PHACTR1: variants seen among roughly 807,000 people sequenced by gnomAD.
The protein encoded by PHACTR1 is RPEL repeat containing 1.
In PHACTR1, 16 loss-of-function variants were observed where a neutral mutation model predicts 69.2. The ratio of observed to expected loss-of-function variants is 0.23; its 90% CI spans 0.16 to 0.35. PHACTR1 has a LOEUF of 0.35. Among genes scored for constraint, PHACTR1 ranks in the 10% least tolerant of loss-of-function variants. The pLI is 1.00. For missense variants in PHACTR1, 510 were observed against 734.7 expected (o/e 0.69, Z 3.54); for synonymous variants, 312 against 284.5 (o/e 1.10, Z -0.97).
rs144474766 is a variant in PHACTR1 at position 12,919,963 on chromosome 6, A to G, written c.251-133402A>G. On this transcript the variant is annotated intron_variant, in intron 4 of 14. Transcript: ENST00000332995. ...CTGCTTGTGTAACATTGACAAAATC[A>G]CTTTTTGACCTCAGTCTATATTAGT... 3.3e-3 allele frequency among the ~76,000 whole-genome samples: 498 copies of G among 152,280 alleles called. 1 individual carries two copies. The highest frequency in any genetic ancestry group is 0.011 in the African/African-American group (466 of 41,552).
At chr6:12,915,513 AAAAAAAAG>A (rs931488443) in intron 4 of PHACTR1, among the ~76,000 whole-genome samples, 2 of 148,218 alleles carry the variant, frequency 1.3e-5, no homozygotes, top group African/African-American at 2.6e-5. Flanking sequence ...TCTCAAAAAA[AAAAAAAAG>A]AAAAAAAAAA....
At chr6:12,977,917 G>C (rs1430375972) in intron 4 of PHACTR1, among the ~76,000 whole-genome samples, 1 of 151,770 alleles carries the variant, frequency 6.6e-6, no homozygotes, top group East Asian at 1.9e-4. Flanking sequence ...TTTTGGAGGA[G>C]GTCTTCCTAA....
At chr6:12,931,098 C>A (rs2127528321) in intron 4 of PHACTR1, among the ~76,000 whole-genome samples, 1 of 149,372 alleles carries the variant, frequency 6.7e-6, no homozygotes, top group Admixed American at 6.7e-5. Context: ...GCGTCTATAA[C>A]AAAGAGGCTT....
At position 13,053,435 on chromosome 6, in the gene PHACTR1, C is replaced by T. The variant is rs1432585441; in HGVS notation, c.321C>T (p.Ile107=). 7.4e-6 allele frequency: 12 copies of T among 1,613,808 alleles called. No individual in the cohort carries two copies. Among genetic ancestry groups the T allele is most frequent in the Non-Finnish European group, 1.0e-5 (12 of 1,179,816 alleles). The change falls in exon 5 of 15, where the codon ATC becomes ATT. Residue 107 remains isoleucine, a synonymous_variant. Transcript: ENST00000332995. Reference sequence around the variant, plus strand: ...TCCCAGGCACCCACACCCCACCCATCCGCAGGAGAAGTAAGTTTGCCAACC... The same window carrying T: ...TCCCAGGCACCCACACCCCACCCATTCGCAGGAGAAGTAAGTTTGCCAACC... ...SLVPGTHTPP[I]RRRSKFANLG...
At chr6:12,959,223 A>G (rs1459464429) in intron 4 of PHACTR1, among the ~76,000 whole-genome samples, 1 of 151,502 alleles carries the variant, frequency 6.6e-6, no homozygotes, top group Non-Finnish European at 1.5e-5. Context: ...AAAAGAAAAC[A>G]GAAACAACTC....
At chr6:12,797,640 C>G (rs184123841) in intron 4 of PHACTR1, among the ~76,000 whole-genome samples, 1 of 152,124 alleles carries the variant, frequency 6.6e-6, no homozygotes, top group African/African-American at 2.4e-5. Context: ...CTCCCATGGC[C>G]GGTGGAGACT....
At position 13,232,313 on chromosome 6, in the gene PHACTR1, T is replaced by G. The variant is rs114540560; in HGVS notation, c.1391+2120T>G. On this transcript the variant is annotated intron_variant, in intron 10 of 14. Coordinates refer to ENST00000332995, the MANE Select transcript of PHACTR1 (RefSeq NM_030948.6). ...ATTTATTTTGCTACCTAAGAGCAGCTTCTTTTTCAAAATTAACTTGGTTTC... is the reference window on the plus strand; with the variant it reads ...ATTTATTTTGCTACCTAAGAGCAGCGTCTTTTTCAAAATTAACTTGGTTTC... Among the ~76,000 whole-genome samples the G allele has an allele frequency of 9.0e-3, 1,371 of 152,348 alleles. 23 individuals carry two copies. Among genetic ancestry groups the G allele is most frequent in the African/African-American group, 0.03 (1,233 of 41,578 alleles).
chr6:12,863,002 A>C (rs966394204), intron 4 of PHACTR1, among the ~76,000 whole-genome samples: 1 of 152,236 alleles, frequency 6.6e-6, no homozygotes, highest in African/African-American at 2.4e-5. Context: ...TGAAACTCTC[A>C]GAACCATAGC....
intron 8 of PHACTR1, among the ~76,000 whole-genome samples, chr6:13,212,479 C>T (rs1325809568): frequency 6.8e-6 from 1 of 147,542 alleles, no homozygotes; most frequent in African/African-American, 2.4e-5. Context: ...CTCCTGCACA[C>T]ACCCCTTTTG....
chr6:12,735,521 CA>C (rs1184399644), intron 3 of PHACTR1, among the ~76,000 whole-genome samples: 1 of 152,196 alleles, frequency 6.6e-6, no homozygotes, highest in Non-Finnish European at 1.5e-5. Context: ...TACACCTAAA[CA>C]GTTTTTGTTA....
At chr6:12,899,891 G>A (rs761905883) in intron 4 of PHACTR1, among the ~76,000 whole-genome samples, 1 of 152,182 alleles carries the variant, frequency 6.6e-6, no homozygotes, top group Non-Finnish European at 1.5e-5. Flanking sequence ...ATCCCACTGA[G>A]AGGGATGGGC....
At chr6:13,037,813 A>G (rs1803538281) in intron 4 of PHACTR1, among the ~76,000 whole-genome samples, 1 of 152,208 alleles carries the variant, frequency 6.6e-6, no homozygotes, top group Admixed American at 6.5e-5. Context: ...ACAGAAACTG[A>G]TGATATGGAT....
intron 5 of PHACTR1, among the ~76,000 whole-genome samples, chr6:13,089,934 T>C (rs1331520757): frequency 6.6e-6 from 1 of 152,144 alleles, no homozygotes; most frequent in Non-Finnish European, 1.5e-5. Context: ...CTGAAATGAA[T>C]AGGGAATGTC....
At chr6:13,190,196 G>GTCTTTTTTTTTT (rs1220683843) in intron 7 of PHACTR1, among the ~76,000 whole-genome samples, 1 of 31,850 alleles carries the variant, frequency 3.1e-5, no homozygotes, top group Non-Finnish European at 7.7e-5. Flanking sequence ...GCTAATTTTT[G>GTCTTTTTTTTTT]TATTTTTTTT....
chr6:12,720,232 A>T (rs1189574859), intron 3 of PHACTR1, among the ~76,000 whole-genome samples: 1 of 152,200 alleles, frequency 6.6e-6, no homozygotes, highest in Non-Finnish European at 1.5e-5. Context: ...ACACATTGCT[A>T]TGTGATTGGT....
chr6:12,895,310 T>C (rs770837269), intron 4 of PHACTR1, among the ~76,000 whole-genome samples: 14 of 151,732 alleles, frequency 9.2e-5, no homozygotes, highest in Non-Finnish European at 1.6e-4. Flanking sequence ...GCTTCCCAAG[T>C]AGCTGGGATT....
intron 4 of PHACTR1, among the ~76,000 whole-genome samples, chr6:12,780,844 T>C (rs1770726201): frequency 6.6e-6 from 1 of 152,210 alleles, no homozygotes; most frequent in African/African-American, 2.4e-5. Flanking sequence ...TCACTCATGC[T>C]TCATCTTTGT....
chr6:12,925,456 T>TC (rs1296921164), intron 4 of PHACTR1, among the ~76,000 whole-genome samples: 4 of 152,244 alleles, frequency 2.6e-5, no homozygotes, highest in Admixed American at 1.3e-4. Flanking sequence ...TTAATGTCTT[T>TC]CTAAGGTACG....
intron 8 of PHACTR1, among the ~76,000 whole-genome samples, chr6:13,221,760 G>A (rs760422250): frequency 1.1e-4 from 17 of 152,164 alleles, no homozygotes; most frequent in Non-Finnish European, 1.6e-4. Context: ...AAAGGTGGCC[G>A]GGCACGGTGG....
Sources: gnomAD v4.1 joint callset for allele counts (sites outside exome capture counted in the v4.1 genomes callset) on GRCh38, gnomAD v4.1.1 for gene constraint, MANE v1.5 for transcripts, NCBI Gene and HGNC (gene_info 2026-07-23, HGNC 2026-07-21) for gene names.